SLC9D1: variants seen among roughly 807,000 people sequenced by gnomAD.
SLC9D1 encodes the protein solute carrier family 9 member D1, also known as putative LAG1-interacting protein.
chr13:113,501,620 G>A, the SLC9D1 span: 1 of 661,672 alleles, frequency 1.5e-6, no homozygotes, highest in Non-Finnish European at 2.6e-6. Context: ...GAAAATCGGT[G>A]GTTTTGTCTT....
the SLC9D1 span, chr13:113,534,390 A>G: frequency 4.4e-6 from 3 of 674,406 alleles, no homozygotes; most frequent in Non-Finnish European, 7.4e-6. Flanking sequence ...ACACTTTCTT[A>G]TACTACCCAT....
the SLC9D1 span, among the ~76,000 whole-genome samples, chr13:113,541,402 G>A: frequency 2.0e-5 from 3 of 147,866 alleles, 1 homozygote; most frequent in East Asian, 4.0e-4. Context: ...ATACGCACAC[G>A]ATCGCTGATC....
the SLC9D1 span, chr13:113,529,356 A>G: frequency 2.0e-5 from 3 of 150,944 alleles, no homozygotes; most frequent in Non-Finnish European, 4.4e-5. Flanking sequence ...CTGAGGCAGG[A>G]AGATGGCTTG....
the SLC9D1 span, among the ~76,000 whole-genome samples, chr13:113,533,178 A>T: frequency 4.1e-5 from 6 of 146,992 alleles, no homozygotes; most frequent in Non-Finnish European, 9.0e-5. Context: ...GAAGTTGCAG[A>T]CGTGGGCCCT....
chr13:113,548,048 G>A, the SLC9D1 span, among the ~76,000 whole-genome samples: 1 of 143,686 alleles, frequency 7.0e-6, no homozygotes, highest in South Asian at 2.5e-4. Context: ...GGGGGCTTGG[G>A]CAAGGCTTAT....
At chr13:113,548,428 AAG>A in the SLC9D1 span, 1 of 1,611,318 alleles carries the variant, frequency 6.2e-7, no homozygotes, top group South Asian at 1.1e-5. Flanking sequence ...GCCGGGCGCG[AAG>A]AGCGGGCGTC....
chr13:113,499,156 G>A, the SLC9D1 span, among the ~76,000 whole-genome samples: 431 of 152,142 alleles, frequency 2.8e-3, 1 homozygote, highest in African/African-American at 9.6e-3. Flanking sequence ...GTCATGGCGC[G>A]GGTGGGAGTG....
chr13:113,533,775 G>T, the SLC9D1 span, among the ~76,000 whole-genome samples: 1 of 152,202 alleles, frequency 6.6e-6, no homozygotes, highest in Non-Finnish European at 1.5e-5. Flanking sequence ...AGATAGGAAC[G>T]CTGTCAGTCG....
chr13:113,512,655 G>C, the SLC9D1 span, among the ~76,000 whole-genome samples: 4 of 148,532 alleles, frequency 2.7e-5, no homozygotes, highest in Admixed American at 2.7e-4. Context: ...GGACTGGAAG[G>C]GGGCTGGAGT....
the SLC9D1 span, chr13:113,520,586 G>C: frequency 1.2e-5 from 19 of 1,530,096 alleles, no homozygotes; most frequent in Non-Finnish European, 1.6e-5. Flanking sequence ...AGTTGTCGTA[G>C]ACCTGTCTTC....
the SLC9D1 span, chr13:113,528,842 T>C: frequency 3.3e-5 from 5 of 152,268 alleles, no homozygotes; most frequent in Admixed American, 6.5e-5. Flanking sequence ...AATCAGTTCT[T>C]ATTCCTTCTG....
chr13:113,549,367 T>C, the SLC9D1 span: 1 of 1,589,390 alleles, frequency 6.3e-7, no homozygotes, highest in Admixed American at 1.7e-5. Context: ...TGTGCTTTCC[T>C]GTTGCAGGTG....
the SLC9D1 span, among the ~76,000 whole-genome samples, chr13:113,491,549 C>T: frequency 1.3e-5 from 2 of 152,216 alleles, no homozygotes; most frequent in African/African-American, 2.4e-5. Flanking sequence ...GCTCACCTCC[C>T]CTCTCTCTCT....
chr13:113,545,387 TCTCAG>T, the SLC9D1 span, among the ~76,000 whole-genome samples: 2 of 152,328 alleles, frequency 1.3e-5, no homozygotes, highest in South Asian at 4.1e-4. Context: ...CCACATAGTT[TCTCAG>T]TGCTACACCA....
chr13:113,497,011 C>T, the SLC9D1 span, among the ~76,000 whole-genome samples: 1 of 152,230 alleles, frequency 6.6e-6, no homozygotes, highest in African/African-American at 2.4e-5. Flanking sequence ...GTTATTATCT[C>T]CTATGCTGAG....
chr13:113,499,699 C>T, the SLC9D1 span, among the ~76,000 whole-genome samples: 1 of 152,224 alleles, frequency 6.6e-6, no homozygotes, highest in East Asian at 1.9e-4. Context: ...TTAAAATCTA[C>T]TAGTTATGGA....
the SLC9D1 span, among the ~76,000 whole-genome samples, chr13:113,506,558 AGT>A: frequency 5.4e-3 from 586 of 109,440 alleles, 3 homozygotes; most frequent in African/African-American, 0.023. Flanking sequence ...TGTGTGTGTG[AGT>A]GTGTGTGTGT....
the SLC9D1 span, among the ~76,000 whole-genome samples, chr13:113,523,907 T>A: frequency 0.39 from 59,466 of 152,086 alleles, 12,824 homozygotes; most frequent in African/African-American, 0.58. Context: ...TTAATTTCCA[T>A]ACATCTGGAG....
At chr13:113,496,883 CA>C in the SLC9D1 span, among the ~76,000 whole-genome samples, 1 of 152,202 alleles carries the variant, frequency 6.6e-6, no homozygotes, top group Non-Finnish European at 1.5e-5. Context: ...CGTGAAGATA[CA>C]TTGGTAAGGT....
Sources: allele counts gnomAD v4.1 joint callset (sites outside exome capture counted in the v4.1 genomes callset), GRCh38; gene constraint gnomAD v4.1.1; transcripts MANE v1.5; gene names NCBI Gene and HGNC (gene_info 2026-07-23, HGNC 2026-07-21).